The following LRRC1 variants were observed in gnomAD, a reference collection of about 807,000 sequenced individuals.
LRRC1 encodes leucine rich repeat containing 1.
LRRC1 carries 28 observed loss-of-function variants against 69.9 expected under a neutral mutation model. The observed-to-expected ratio is 0.40, with a 90% CI of 0.30 to 0.55. The LOEUF (loss-of-function observed/expected upper bound fraction) is 0.55, where lower values mean the gene tolerates loss of function less well. LRRC1 is among the 20% of genes least tolerant of loss of function. The probability of loss-of-function intolerance (pLI) is 0.47; values close to 1 mark genes in which losing one functional copy is unlikely to be tolerated. For synonymous variants in LRRC1, 236 were observed against 240.2 expected (o/e 0.98, Z 0.16); for missense variants, 498 against 609.0 (o/e 0.82, Z 1.92).
intron 3 of LRRC1, among the ~76,000 whole-genome samples, chr6:53,880,113 G>A (rs1462170524): frequency 6.6e-6 from 1 of 152,100 alleles, no homozygotes; most frequent in Admixed American, 6.5e-5. Flanking sequence ...AAAATTTCTT[G>A]GGACTTCTTG....
At chr6:53,804,598 G>A (rs1384304152) in intron 1 of LRRC1, among the ~76,000 whole-genome samples, 1 of 152,202 alleles carries the variant, frequency 6.6e-6, no homozygotes, top group Non-Finnish European at 1.5e-5. Context: ...GAGTGCTATA[G>A]TATTCCATTG....
At chr6:53,796,577 C>G (rs1252991141) in intron 1 of LRRC1, among the ~76,000 whole-genome samples, 1 of 152,222 alleles carries the variant, frequency 6.6e-6, no homozygotes, top group East Asian at 1.9e-4. Context: ...CTGATACGTT[C>G]TCCAGCGCTG....
chr6:53,818,185 A>G (rs1173787235), intron 1 of LRRC1, among the ~76,000 whole-genome samples: 2 of 152,202 alleles, frequency 1.3e-5, no homozygotes, highest in African/African-American at 4.8e-5. Context: ...CACACAGGCT[A>G]TCTTTTAAAA....
At chr6:53,908,723 G>A (rs138597705) in intron 10 of LRRC1, among the ~76,000 whole-genome samples, 40 of 152,196 alleles carry the variant, frequency 2.6e-4, no homozygotes, top group Non-Finnish European at 5.1e-4. Flanking sequence ...GACATTTAAG[G>A]CATCTTAAAT....
intron 1 of LRRC1, among the ~76,000 whole-genome samples, chr6:53,832,440 C>T (rs578071015): frequency 5.3e-5 from 8 of 152,154 alleles, no homozygotes; most frequent in Admixed American, 1.3e-4. Flanking sequence ...ATTGAATCCA[C>T]GGCACAATGC....
At chr6:53,821,530 G>C (rs1425283224) in intron 1 of LRRC1, among the ~76,000 whole-genome samples, 3 of 151,834 alleles carry the variant, frequency 2.0e-5, no homozygotes, top group Non-Finnish European at 4.4e-5. Flanking sequence ...ACTCAGGAGT[G>C]CCTGTCATGG....
rs546709635 is a variant in LRRC1, at chr6:53,796,897, G to T, written c.159+1482G>T. ...GTCAGCTCCCTCACTGCTTTAAGTT[G>T]TGTAATTTTAGGCAGTGATATCACC... On this transcript the variant is annotated intron_variant, in intron 1 of 13. Coordinates refer to ENST00000370888, the MANE Select transcript of LRRC1 (RefSeq NM_018214.5). 7.9e-5 allele frequency among the ~76,000 whole-genome samples: 12 copies of T among 152,240 alleles called. No homozygotes were observed. In the East Asian group the frequency reaches 2.3e-3, roughly 29 times the overall value.
At chr6:53,888,521 C>T (rs185519571) in intron 4 of LRRC1, among the ~76,000 whole-genome samples, 6 of 152,218 alleles carry the variant, frequency 3.9e-5, no homozygotes, top group South Asian at 2.1e-4. Context: ...TAGCAATACT[C>T]GACAAGTCGA....
At chr6:53,859,121 A>C (rs1766413253) in intron 2 of LRRC1, among the ~76,000 whole-genome samples, 1 of 152,212 alleles carries the variant, frequency 6.6e-6, no homozygotes, top group Non-Finnish European at 1.5e-5. Flanking sequence ...GAGACATTCA[A>C]ACCATGTGGA....
intron 2 of LRRC1, among the ~76,000 whole-genome samples, chr6:53,877,221 G>A (rs147441267): frequency 7.0e-4 from 106 of 152,336 alleles, no homozygotes; most frequent in Middle Eastern, 3.4e-3. Flanking sequence ...AGTCAGAGCT[G>A]GAGTGGCTGG....
At chr6:53,796,270 A>G (rs1283469663) in intron 1 of LRRC1, among the ~76,000 whole-genome samples, 1 of 152,236 alleles carries the variant, frequency 6.6e-6, no homozygotes, top group Non-Finnish European at 1.5e-5. Context: ...GTCAAGCGAC[A>G]TGTGCTGATG....
chr6:53,888,968 A>G (rs899434000), intron 4 of LRRC1, among the ~76,000 whole-genome samples: 1 of 152,204 alleles, frequency 6.6e-6, no homozygotes, highest in African/African-American at 2.4e-5. Flanking sequence ...ATCTTATCAG[A>G]GTCTAGTTAC....
intron 2 of LRRC1, among the ~76,000 whole-genome samples, chr6:53,852,778 A>T (rs1044498923): frequency 6.6e-6 from 1 of 152,216 alleles, no homozygotes; most frequent in African/African-American, 2.4e-5. Context: ...ATCCTAAGAC[A>T]TTTAAACTTG....
At chr6:53,889,764 C>CT in intron 4 of LRRC1, among the ~76,000 whole-genome samples, 1 of 152,232 alleles carries the variant, frequency 6.6e-6, no homozygotes, top group East Asian at 1.9e-4. Flanking sequence ...AAACTGTACA[C>CT]TTTCAAAGGT....
At chr6:53,839,516 C>T (rs1765704603) in intron 1 of LRRC1, among the ~76,000 whole-genome samples, 1 of 152,124 alleles carries the variant, frequency 6.6e-6, no homozygotes, top group South Asian at 2.1e-4. Context: ...CAGCCTCTTG[C>T]CTCCTTCCCC....
intron 2 of LRRC1, among the ~76,000 whole-genome samples, chr6:53,868,223 CTT>C (rs141016862): frequency 3.3e-4 from 46 of 137,808 alleles, no homozygotes; most frequent in East Asian, 6.6e-4. Flanking sequence ...TAATGCTACT[CTT>C]TTTTTTTTTT....
At chr6:53,922,602 A>T in intron 13 of LRRC1, 33 bp from the exon 14 acceptor site, 1 of 1,577,280 alleles carries the variant, frequency 6.3e-7, no homozygotes, top group Non-Finnish European at 8.6e-7. Context: ...AGTGGAATAA[A>T]ACCAAAACAC....
chr6:53,823,417 G>T (rs1478174477), intron 1 of LRRC1, among the ~76,000 whole-genome samples: 2 of 152,026 alleles, frequency 1.3e-5, no homozygotes, highest in East Asian at 3.9e-4. Flanking sequence ...GTAGTGCTAG[G>T]GTTTTTCTAC....
chr6:53,873,788 A>C (rs1330815972), intron 2 of LRRC1, among the ~76,000 whole-genome samples: 1 of 152,154 alleles, frequency 6.6e-6, no homozygotes, highest in Admixed American at 6.5e-5. Context: ...TCTCTTGCCT[A>C]ATCTCTCTGG....
Sources: gnomAD v4.1 joint callset for allele counts (sites outside exome capture counted in the v4.1 genomes callset) on GRCh38, gnomAD v4.1.1 for gene constraint, MANE v1.5 for transcripts, NCBI Gene and HGNC (gene_info 2026-07-23, HGNC 2026-07-21) for gene names.